OR6Y1: variants seen among roughly 807,000 people sequenced by gnomAD.
The protein encoded by OR6Y1 is olfactory receptor family 6 subfamily Y member 1.
In OR6Y1, 1 loss-of-function variant was observed where a neutral mutation model predicts 0.4. The ratio of observed to expected loss-of-function variants is 2.74; its 90% CI spans 0.97 to 13.02. The LOEUF (loss-of-function observed/expected upper bound fraction) is 13.02. Ranked by LOEUF, OR6Y1 falls within the 30% of genes most tolerant of loss-of-function variation. The pLI is 0.12. For missense variants in OR6Y1, 480 were observed against 399.8 expected (o/e 1.20, Z -1.71); for synonymous variants, 173 against 141.1 (o/e 1.23, Z -1.60).
In OR6Y1 at chr1:158,547,780, A is replaced by G; in HGVS notation, c.326T>C (p.Phe109Ser). The G allele has an allele frequency of 6.2e-7, 1 of 1,613,570 alleles. No homozygotes were observed. The highest frequency in any genetic ancestry group is 8.5e-7 in the Non-Finnish European group (1 of 1,180,020). The change falls in exon 2 of 2, where the codon TTT becomes TCT. Residue 109 changes from phenylalanine to serine, a missense_variant. Phe to Ser is a radical substitution (Grantham distance 155, BLOSUM62 -2). Transcript: ENST00000641622. ...FNGCMTQLYF[F>S]VTFVCTEYIL... ...GTACTCAGTGCAGACAAAGGTCACAAAAAAGTAAAGTTGAGTCATGCAGCC... is the reference window on the plus strand; with the variant it reads ...GTACTCAGTGCAGACAAAGGTCACAGAAAAGTAAAGTTGAGTCATGCAGCC...
In OR6Y1 at chr1:158,552,229, G is replaced by GAT. The variant is rs1173136153; in HGVS notation, c.-1433+2035_-1433+2036dup. 5.6e-5 allele frequency among the ~76,000 whole-genome samples: 7 copies of GAT among 125,218 alleles called. No individual in the cohort carries two copies. In the East Asian group the frequency reaches 7.2e-4, roughly 13 times the overall value. 82.1% of individuals were successfully genotyped at this position (125,218 alleles called of 152,430 possible). On this transcript the variant is annotated intron_variant, in intron 1 of 1. Transcript: ENST00000641622. Reference sequence around the variant, plus strand: ...CAATTTACATATATGTATGTATGGAGATATATATATGTATATATATATATA... The same window carrying GAT: ...CAATTTACATATATGTATGTATGGAGATATATATATATGTATATATATATATA...
At chr1:158,553,848 C>A (rs959634982) in intron 1 of OR6Y1, among the ~76,000 whole-genome samples, 2 of 152,150 alleles carry the variant, frequency 1.3e-5, no homozygotes, top group Non-Finnish European at 2.9e-5. Context: ...TAATTTGAGG[C>A]ATCTTCAGAA....
Position 158,544,866 on chromosome 1 carries a change from T to C in OR6Y1, c.*2262A>G, listed in dbSNP as rs1647473320. On this transcript the variant is annotated 3_prime_UTR_variant, in exon 2 of 2. Transcript: ENST00000641622. ...CCATGTTCCCGGAAAGGACATGATC[T>C]AATTTTTTTTTATGGCTGCATAGTA... 6.6e-6 allele frequency: 1 copy of C among 152,074 alleles called. No homozygotes were observed. Among genetic ancestry groups the C allele is most frequent in the Non-Finnish European group, 1.5e-5 (1 of 68,040 alleles). The allele number at this position is 152,074 out of a possible 1,614,324, so 9.4% of individuals were successfully genotyped here.
rs11805617 is a variant in OR6Y1 at position 158,547,045 on chromosome 1, G to A, written c.*83C>T. 2,168 of 1,351,256 alleles carry A rather than the reference G, an allele frequency of 1.6e-3. 84 individuals are homozygous for A. The African/African-American group carries it at 0.029, about 18-fold the overall frequency. 83.7% of individuals were successfully genotyped at this position (1,351,256 alleles called of 1,614,324 possible). A position where few individuals can be genotyped will look rare whatever the true frequency, so the allele number is the denominator to read the frequency against. ...AGCAGTGTTACAGTACTGGAGATTG[G>A]GGGATAACCAAAGACAAGACTGAGG... On this transcript the variant is annotated 3_prime_UTR_variant, in exon 2 of 2. Transcript: ENST00000641622.
rs1397393630 is a variant in OR6Y1 at position 158,549,087 on chromosome 1, C to T, written c.-982G>A. The T allele has an allele frequency of 1.3e-5, 2 of 151,656 alleles. No homozygotes were observed. The highest frequency in any genetic ancestry group is 2.9e-5 in the Non-Finnish European group (2 of 68,004). 9.4% of individuals were successfully genotyped at this position (151,656 alleles called of 1,614,324 possible). A position where few individuals can be genotyped will look rare whatever the true frequency, so the allele number is the denominator to read the frequency against. ...GCAAAAAACTGGTGCAAACAGCAGC[C>T]ATTGTTAATGAAAAAAGGGAGAGGA... On this transcript the variant is annotated 5_prime_UTR_variant, in exon 2 of 2. The change abolishes an upstream ATG in the 5' untranslated region. Transcript: ENST00000641622.
At chr1:158,550,435 A>G (rs1295209531) in intron 1 of OR6Y1, among the ~76,000 whole-genome samples, 1 of 151,448 alleles carries the variant, frequency 6.6e-6, no homozygotes, top group Non-Finnish European at 1.5e-5. Context: ...GTGAGTATAC[A>G]GTATATATAA....
In OR6Y1 at chr1:158,548,348, T is replaced by C; in HGVS notation, c.-243A>G. ...AAGAGCAGTAACTTGTCCAAGGTCATACAAAATAGAGTTTATAACTTTCTA... is the reference window on the plus strand; with the variant it reads ...AAGAGCAGTAACTTGTCCAAGGTCACACAAAATAGAGTTTATAACTTTCTA... On this transcript the variant is annotated 5_prime_UTR_variant, in exon 2 of 2. The change abolishes an upstream ATG in the 5' untranslated region. Coordinates refer to ENST00000641622, the MANE Select transcript of OR6Y1 (RefSeq NM_001005189.2). 2.2e-6 allele frequency: 1 copy of C among 449,562 alleles called. No individual in the cohort carries two copies. Among genetic ancestry groups the C allele is most frequent in the South Asian group, 3.4e-5 (1 of 29,592 alleles). The allele number at this position is 449,562 out of a possible 1,614,324, so 27.8% of individuals were successfully genotyped here. A position where few individuals can be genotyped will look rare whatever the true frequency, so the allele number is the denominator to read the frequency against.
intron 1 of OR6Y1, among the ~76,000 whole-genome samples, chr1:158,553,105 T>G (rs1647743041): frequency 6.6e-6 from 1 of 152,198 alleles, no homozygotes; most frequent in South Asian, 2.1e-4. Flanking sequence ...CCTCTATACT[T>G]TATAACTTTC....
chr1:158,550,517 A>AAG (rs1647673820), intron 1 of OR6Y1, among the ~76,000 whole-genome samples: 1 of 151,536 alleles, frequency 6.6e-6, no homozygotes, highest in East Asian at 1.9e-4. Context: ...AGTCAAGCAG[A>AAG]AGAGGAAAAC....
At chr1:158,553,417 A>AG (rs1360839087) in intron 1 of OR6Y1, among the ~76,000 whole-genome samples, 1 of 152,174 alleles carries the variant, frequency 6.6e-6, no homozygotes, top group Non-Finnish European at 1.5e-5. Context: ...GAAGGAGGAT[A>AG]CTGAATGTTC....
At chr1:158,551,765 C>CACACACACAA (rs748165607) in intron 1 of OR6Y1, among the ~76,000 whole-genome samples, 4 of 151,266 alleles carry the variant, frequency 2.6e-5, no homozygotes, top group Non-Finnish European at 4.4e-5. Flanking sequence ...CACACACACA[C>CACACACACAA]AAACACACAT....
chr1:158,548,521 G>T lies in OR6Y1; in HGVS notation c.-416C>A. On this transcript the variant is annotated 5_prime_UTR_variant, in exon 2 of 2. Transcript: ENST00000641622. ...ACTACCCATTCTCTAGGGGCAATTT[G>T]GGTGACTCTGGAGTGGTTGCATGAC... 2 of 167,748 alleles carry T rather than the reference G, an allele frequency of 1.2e-5. No individual in the cohort carries two copies. Among genetic ancestry groups the T allele is most frequent in the Non-Finnish European group, 2.6e-5 (2 of 77,332 alleles). The allele number at this position is 167,748 out of a possible 1,614,324, so 10.4% of individuals were successfully genotyped here. A position where few individuals can be genotyped will look rare whatever the true frequency, so the allele number is the denominator to read the frequency against.
intron 1 of OR6Y1, among the ~76,000 whole-genome samples, chr1:158,550,225 A>ATTGTC (rs370425794): frequency 0.51 from 76,594 of 150,900 alleles, 20,077 homozygotes; most frequent in African/African-American, 0.61. Flanking sequence ...ATTCCTTTGC[A>ATTGTC]ATAGATATTG....
chr1:158,548,106 G>A lies in OR6Y1; in HGVS notation c.-1C>T, dbSNP rs754677209. 1.9e-6 allele frequency: 3 copies of A among 1,609,286 alleles called. No homozygotes were observed. Among genetic ancestry groups the A allele is most frequent in the East Asian group, 4.5e-5 (2 of 44,852 alleles). Reference sequence around the variant, plus strand: ...CTACTTCCAGAATTATGGTGGTCATGACTGGCTGTGGGCACAGACAAAGTC... The same window carrying A: ...CTACTTCCAGAATTATGGTGGTCATAACTGGCTGTGGGCACAGACAAAGTC... On this transcript the variant is annotated 5_prime_UTR_variant, in exon 2 of 2. Coordinates refer to ENST00000641622, the MANE Select transcript of OR6Y1 (RefSeq NM_001005189.2).
intron 1 of OR6Y1, among the ~76,000 whole-genome samples, chr1:158,552,207 T>C (rs1647719576): frequency 6.7e-6 from 1 of 148,352 alleles, no homozygotes; most frequent in South Asian, 2.1e-4. Context: ...AGCCACTCAA[T>C]TTACATATAT....
chr1:158,547,041 A>G lies in OR6Y1; in HGVS notation c.*87T>C. The G allele has an allele frequency of 7.6e-7, 1 of 1,312,234 alleles. No individual in the cohort carries two copies. The highest frequency in any genetic ancestry group is 2.0e-5 in the Admixed American group (1 of 50,214). 81.3% of individuals were successfully genotyped at this position (1,312,234 alleles called of 1,614,324 possible). On this transcript the variant is annotated 3_prime_UTR_variant, in exon 2 of 2. Coordinates refer to ENST00000641622, the MANE Select transcript of OR6Y1 (RefSeq NM_001005189.2). ...GGAGAGCAGTGTTACAGTACTGGAG[A>G]TTGGGGGATAACCAAAGACAAGACT...
At position 158,546,958 on chromosome 1, in the gene OR6Y1, CAT is replaced by C; in HGVS notation, c.*168_*169del. ...GATACCAGAGGTTACTTCTTGAGAA[CAT>C]GTTTCTCCAGTCATGATTGTGTATA... On this transcript the variant is annotated 3_prime_UTR_variant, in exon 2 of 2. Transcript: ENST00000641622. The C allele has an allele frequency of 3.5e-6, 2 of 579,586 alleles. No homozygotes were observed. Among genetic ancestry groups the C allele is most frequent in the Non-Finnish European group, 5.8e-6 (2 of 347,786 alleles). 35.9% of individuals were successfully genotyped at this position (579,586 alleles called of 1,614,324 possible).
At chr1:158,550,062 G>A (rs905022984) in intron 1 of OR6Y1, among the ~76,000 whole-genome samples, 4 of 151,662 alleles carry the variant, frequency 2.6e-5, no homozygotes, top group Non-Finnish European at 5.9e-5. Flanking sequence ...TAATCTTTGT[G>A]TCTATTTTTT....
At chr1:158,551,463 GT>G (rs1210116649) in intron 1 of OR6Y1, among the ~76,000 whole-genome samples, 1 of 151,614 alleles carries the variant, frequency 6.6e-6, no homozygotes, top group Non-Finnish European at 1.5e-5. Flanking sequence ...CAACTATATA[GT>G]GGCAGAGTAG....
Sources: gnomAD v4.1 joint callset for allele counts (sites outside exome capture counted in the v4.1 genomes callset) on GRCh38, gnomAD v4.1.1 for gene constraint, MANE v1.5 for transcripts, NCBI Gene and HGNC (gene_info 2026-07-23, HGNC 2026-07-21) for gene names.